LYST: variants seen among roughly 807,000 people sequenced by gnomAD.
LYST encodes the protein lysosomal-trafficking regulator.
In LYST, 192 loss-of-function variants were observed where a neutral mutation model predicts 413.6. The observed-to-expected ratio is 0.46, with a 90% CI of 0.41 to 0.52. The LOEUF (loss-of-function observed/expected upper bound fraction) is 0.52. LYST is among the 20% of genes least tolerant of loss of function. LYST has a pLI of 0.00. For missense variants in LYST, 3,815 were observed against 4,499.9 expected, an observed-to-expected ratio of 0.85 and a Z score of 4.35; for synonymous variants, 1,525 against 1,567.3, an observed-to-expected ratio of 0.97 and a Z score of 0.64.
intron 50 of LYST, among the ~76,000 whole-genome samples, chr1:235,666,625 CACACACACACAT>C (rs1365074946): frequency 5.9e-4 from 90 of 151,766 alleles, no homozygotes; most frequent in African/African-American, 2.1e-3. Flanking sequence ...CACACACACA[CACACACACACAT>C]GCCCAATGTT....
At position 235,663,023 on chromosome 1, in the gene LYST, C is replaced by T. The variant is rs1163719478; in HGVS notation, c.11323G>A (p.Val3775Met). Reference protein sequence around the residue: ...HLYTANSDGTVIAWCRKDQQR... With the variant: ...HLYTANSDGTMIAWCRKDQQR... Reference sequence around the variant, plus strand: ...TGGTCCTTCCGACACCAGGCAATCACGGTCCCATCACTGTTTGCTGTGTAC... The same window carrying T: ...TGGTCCTTCCGACACCAGGCAATCATGGTCCCATCACTGTTTGCTGTGTAC... Residue 3775 changes from valine to methionine, a missense_variant, in exon 53 of 53, where the codon GTG becomes ATG. By Grantham distance (21) the Val-to-Met change is conservative. Coordinates refer to ENST00000389793, the MANE Select transcript of LYST (RefSeq NM_000081.4). 2.4e-5 allele frequency: 39 copies of T among 1,613,838 alleles called. No individual in the cohort carries two copies. Among genetic ancestry groups the T allele is most frequent in the Non-Finnish European group, 3.1e-5 (37 of 1,179,998 alleles).
At chr1:235,819,233 T>C (rs759047844) in intron 3 of LYST, among the ~76,000 whole-genome samples, 19 of 152,190 alleles carry the variant, frequency 1.2e-4, no homozygotes, top group Admixed American at 2.6e-4. Flanking sequence ...CAATTCATCA[T>C]TGGGGAAGTT....
At chr1:235,849,217 G>A (rs1242220951) in intron 1 of LYST, among the ~76,000 whole-genome samples, 4 of 152,122 alleles carry the variant, frequency 2.6e-5, no homozygotes, top group East Asian at 1.9e-4. Flanking sequence ...TTTAACATAC[G>A]TAAGTCAATA....
chr1:235,816,437 CAAAA>C (rs1309386946), intron 3 of LYST, among the ~76,000 whole-genome samples: 12 of 81,152 alleles, frequency 1.5e-4, no homozygotes, highest in African/African-American at 6.6e-4. Context: ...AAGACTCCGT[CAAAA>C]AAAAAAATAA....
intron 50 of LYST, among the ~76,000 whole-genome samples, chr1:235,671,208 G>GCTCACAC (rs1266441860): frequency 6.6e-6 from 1 of 152,158 alleles, no homozygotes; most frequent in Non-Finnish European, 1.5e-5. Context: ...AAAGCGTTGG[G>GCTCACAC]ATTACAGGTG....
At chr1:235,767,855 A>T (rs1008043838) in intron 20 of LYST, among the ~76,000 whole-genome samples, 7 of 152,076 alleles carry the variant, frequency 4.6e-5, no homozygotes, top group South Asian at 2.1e-4. Flanking sequence ...TTATCTGCCT[A>T]CATTTTCTCT....
At position 235,755,512 on chromosome 1, in the gene LYST, T is replaced by C. The variant is rs1246444038; in HGVS notation, c.7195A>G (p.Met2399Val). The C allele has an allele frequency of 6.2e-7, 1 of 1,613,748 alleles. No individual in the cohort carries two copies. Among genetic ancestry groups the C allele is most frequent in the South Asian group, 1.1e-5 (1 of 91,080 alleles). ...TQELLECFIE[M>V]FFGRHIGLDE... Reference sequence around the variant, plus strand: ...AGGCCAATATGTCGACCAAAGAACATTTCGATGAAGCATTCTAACAATTCT... The same window carrying C: ...AGGCCAATATGTCGACCAAAGAACACTTCGATGAAGCATTCTAACAATTCT... Residue 2399 changes from methionine (M) to valine (V), a missense_variant, in exon 25 of 53, where the codon ATG (methionine) becomes GTG (valine). By Grantham distance (21) the Met-to-Val change is conservative. Transcript: ENST00000389793.
At chr1:235,764,482 T>C (rs528105558) in intron 21 of LYST, among the ~76,000 whole-genome samples, 163 of 150,668 alleles carry the variant, frequency 1.1e-3, no homozygotes, top group Middle Eastern at 0.01. Flanking sequence ...CTACATTTCT[T>C]TTTTTTTCTT....
chr1:235,772,412 G>GT (rs923704814), intron 19 of LYST, among the ~76,000 whole-genome samples: 280 of 147,652 alleles, frequency 1.9e-3, no homozygotes, highest in African/African-American at 5.6e-3. Context: ...AGACAATCTA[G>GT]TTTTTTTTTT....
At chr1:235,880,289 G>T (rs1257860985) in intron 1 of LYST, among the ~76,000 whole-genome samples, 1 of 152,162 alleles carries the variant, frequency 6.6e-6, no homozygotes, top group Non-Finnish European at 1.5e-5. Flanking sequence ...AACTCAGCAG[G>T]CTTGCCTTAT....
At position 235,777,243 on chromosome 1, in the gene LYST, A is replaced by T. The variant is rs1317818858; in HGVS notation, c.5280T>A (p.Ile1760=). 1 of 1,613,208 alleles carries T rather than the reference A, an allele frequency of 6.2e-7. No homozygotes were observed. The highest frequency in any genetic ancestry group is 1.3e-5 in the African/African-American group (1 of 74,916). The change falls in exon 17 of 53, where the codon ATT becomes ATA. Residue 1760 remains isoleucine, a synonymous_variant. Transcript: ENST00000389793. ...GGGTTTTCATTTGACCTTTAAGTCT[A>T]ATCACTGGTTCATAGATGGTATACT... ...PAQYTIYEPV[I]RLKGQMKTQL...
rs1666558113 is a variant in LYST, at chr1:235,752,133, A to G, written c.7499T>C (p.Ile2500Thr). The G allele has an allele frequency of 6.2e-7, 1 of 1,611,812 alleles. No homozygotes were observed. Among genetic ancestry groups the G allele is most frequent in the Non-Finnish European group, 8.5e-7 (1 of 1,178,326 alleles). The change falls in exon 27 of 53, where the codon ATA (isoleucine) becomes ACA (threonine). Residue 2500 changes from isoleucine (I) to threonine (T), a missense_variant. Physicochemically the swap from Ile to Thr is moderately conservative, Grantham distance 89. This residue lies in a region of LYST where 771 missense variants were observed against 837.1 expected (regional missense o/e 0.92). Transcript: ENST00000389793. ...TGTAACTGCTATGAAAAGTTGCTGT[A>G]TATCACAAGCAAGCAATTTATATTC... The part of the protein sequence containing the change: ...MSEYKLLACD[I>T]QQLFIAVTIH...
In LYST at chr1:235,724,034, G is replaced by T; in HGVS notation, c.9309C>A (p.Asn3103Lys). Residue 3103 changes from asparagine (N) to lysine (K), a missense_variant, in exon 39 of 53, where the codon AAC becomes AAA. Around this residue, in one of 4 missense-constraint regions of LYST, gnomAD observed 866 missense variants for 1,156.0 expected, o/e 0.75. Transcript: ENST00000389793. ...TTAATAAGGGTGAATTTACCTTGGT[G>T]TTATCAAATGCCAACAGGAGTGTTC... Reference protein sequence around the residue: ...NGRTLLLAFDNTKVRDDVYHN... With the variant: ...NGRTLLLAFDKTKVRDDVYHN... 1 of 1,613,286 alleles carries T rather than the reference G, an allele frequency of 6.2e-7. No individual in the cohort carries two copies. Among genetic ancestry groups the T allele is most frequent in the Non-Finnish European group, 8.5e-7 (1 of 1,179,336 alleles).
chr1:235,751,934 A>T, intron 27 of LYST, 71 bp downstream of exon 27: 3 of 1,032,712 alleles, frequency 2.9e-6, no homozygotes, highest in Non-Finnish European at 4.5e-6. Context: ...AAGAAGAAAG[A>T]GATTGTGCTC....
At chr1:235,800,115 C>T (rs1672046043) in intron 10 of LYST, among the ~76,000 whole-genome samples, 2 of 151,268 alleles carry the variant, frequency 1.3e-5, no homozygotes. Flanking sequence ...CACCACCACA[C>T]CTGGCTAATT....
intron 1 of LYST, among the ~76,000 whole-genome samples, chr1:235,834,080 A>G (rs1463510841): frequency 1.3e-5 from 2 of 152,218 alleles, no homozygotes; most frequent in African/African-American, 4.8e-5. Flanking sequence ...GATGAAAGGT[A>G]TTTGAGGATA....
rs564946092 is a variant in LYST at position 235,759,377 on chromosome 1, C to A, written c.6476G>T (p.Gly2159Val). ...SLGSSDTLKKGKEDAFISSCE... is the reference protein window; with the variant it reads ...SLGSSDTLKKVKEDAFISSCE... ...GCTACTGATGAATGCGTCCTCTTTGCCTTTTTTCAGTGTGTCGGAACTCCC... is the reference window on the plus strand; with the variant it reads ...GCTACTGATGAATGCGTCCTCTTTGACTTTTTTCAGTGTGTCGGAACTCCC... The change falls in exon 23 of 53, where the codon GGC becomes GTC. Residue 2159 changes from glycine to valine, a missense_variant. By Grantham distance (109) the Gly-to-Val change is moderately radical. Coordinates refer to ENST00000389793, the MANE Select transcript of LYST (RefSeq NM_000081.4). 3 of 1,614,172 alleles carry A rather than the reference C, an allele frequency of 1.9e-6. No individual in the cohort carries two copies. Among genetic ancestry groups the A allele is most frequent in the African/African-American group, 1.3e-5 (1 of 75,060 alleles).
At chr1:235,836,468 T>C (rs909993389) in intron 1 of LYST, among the ~76,000 whole-genome samples, 28 of 152,172 alleles carry the variant, frequency 1.8e-4, no homozygotes, top group African/African-American at 6.0e-4. Context: ...GCAGTAATAT[T>C]TGAGCAAAAA....
chr1:235,735,590 C>T (rs554309926), intron 31 of LYST: 4 of 151,938 alleles, frequency 2.6e-5, no homozygotes, highest in South Asian at 2.1e-4. Context: ...AATAATGTTG[C>T]CAACAAGTTA....
Sources: allele counts gnomAD v4.1 joint callset (sites outside exome capture counted in the v4.1 genomes callset), GRCh38; gene constraint gnomAD v4.1.1; regional missense constraint gnomAD v4.1.1; transcripts MANE v1.5; gene names NCBI Gene and HGNC (gene_info 2026-07-23, HGNC 2026-07-21).